CDK7: variants seen among roughly 807,000 people sequenced by gnomAD.
The protein encoded by CDK7 is cyclin dependent kinase 7, also known as cyclin-dependent kinase 7.
In CDK7, 25 loss-of-function variants were observed where a neutral mutation model predicts 49.1. The observed-to-expected ratio is 0.51, with a 90% CI of 0.37 to 0.71. CDK7 has a LOEUF of 0.71. Ranked by LOEUF, CDK7 falls within the 30% of genes least tolerant of loss-of-function variation. The pLI is 0.00. For synonymous variants in CDK7, 107 were observed against 140.0 expected (o/e 0.76, Z 1.67); for missense variants, 316 against 411.7 (o/e 0.77, Z 2.01).
chr5:69,267,967 G>GT (rs1233025323), intron 8 of CDK7, among the ~76,000 whole-genome samples: 1 of 151,902 alleles, frequency 6.6e-6, no homozygotes, highest in East Asian at 1.9e-4. Flanking sequence ...TAGTTTTTTT[G>GT]TTTTTTGTTT....
intron 8 of CDK7, among the ~76,000 whole-genome samples, chr5:69,262,956 T>C (rs184303519): frequency 7.9e-5 from 12 of 152,330 alleles, no homozygotes; most frequent in African/African-American, 2.6e-4. Flanking sequence ...GGGTCTGTTT[T>C]AAGTGCGCTT....
intron 3 of CDK7, among the ~76,000 whole-genome samples, chr5:69,253,299 C>T (rs550133807): frequency 6.6e-6 from 1 of 152,258 alleles, no homozygotes; most frequent in Non-Finnish European, 1.5e-5. Context: ...GAGTCATGCT[C>T]TGTTGCCCAG....
intron 8 of CDK7, 100 bp downstream of exon 8, chr5:69,262,404 C>T (rs1016302682): frequency 5.3e-6 from 8 of 1,514,172 alleles, no homozygotes; most frequent in Middle Eastern, 2.0e-4. Context: ...CATGGTGGCT[C>T]ACGCCTGTAA....
chr5:69,240,280 G>A (rs980719125), intron 2 of CDK7, among the ~76,000 whole-genome samples: 2 of 151,970 alleles, frequency 1.3e-5, no homozygotes, highest in African/African-American at 4.8e-5. Flanking sequence ...AATCATTTTG[G>A]CTACTCTATG....
chr5:69,245,307 T>G (rs1580277533), intron 2 of CDK7, among the ~76,000 whole-genome samples: 1 of 56,366 alleles, frequency 1.8e-5, no homozygotes, highest in Non-Finnish European at 3.3e-5. Context: ...CCCCCTCCCC[T>G]TCCCCCTCCC....
intron 8 of CDK7, among the ~76,000 whole-genome samples, chr5:69,264,600 G>A (rs1481336469): frequency 6.6e-6 from 1 of 152,124 alleles, no homozygotes; most frequent in Non-Finnish European, 1.5e-5. Flanking sequence ...AGAAAACAAG[G>A]AAAATGGAGG....
chr5:69,244,622 G>A (rs1749606675), intron 2 of CDK7, among the ~76,000 whole-genome samples: 1 of 113,720 alleles, frequency 8.8e-6, no homozygotes, highest in Non-Finnish European at 1.7e-5. Context: ...GGCAACAAGA[G>A]CAAAACTCCG....
chr5:69,262,588 G>A (rs1405439854), intron 8 of CDK7, among the ~76,000 whole-genome samples: 1 of 150,112 alleles, frequency 6.7e-6, no homozygotes, highest in African/African-American at 2.4e-5. Context: ...AGAATCGCTT[G>A]AACCTGGGAG....
intron 5 of CDK7, among the ~76,000 whole-genome samples, chr5:69,257,520 T>G (rs1026189351): frequency 4.6e-5 from 7 of 152,164 alleles, no homozygotes; most frequent in Non-Finnish European, 1.0e-4. Context: ...TAGGTATATG[T>G]TTGTAGAGTT....
chr5:69,274,389 C>G (rs1751891746), intron 10 of CDK7, among the ~76,000 whole-genome samples: 1 of 152,144 alleles, frequency 6.6e-6, no homozygotes, highest in African/African-American at 2.4e-5. Context: ...AATCCCAGCA[C>G]TTTGGGAGGT....
At chr5:69,241,320 T>C (rs1358811979) in intron 2 of CDK7, among the ~76,000 whole-genome samples, 2 of 133,154 alleles carry the variant, frequency 1.5e-5, no homozygotes, top group African/African-American at 2.7e-5. Flanking sequence ...TTTTCTTTTT[T>C]TTTTTTTTTT....
chr5:69,272,906 TC>T lies in CDK7; in HGVS notation c.731del (p.Pro244GlnfsTer4). ...EEQWPDMCSLPDYVTFKSFPG... is the reference protein window; with the variant it reads ...EEQWPDMCSLXDYVTFKSFPG... ...TATTTTTACAGGACATGTGTAGTCT[TC>T]CAGATTATGTGACATTTAAGAGTTT... On this transcript the variant is annotated frameshift_variant, in exon 10 of 12. Coordinates refer to ENST00000256443, the MANE Select transcript of CDK7 (RefSeq NM_001799.4). LOFTEE classifies it high-confidence loss of function. 6.3e-7 allele frequency: 1 copy of T among 1,591,208 alleles called. No individual in the cohort carries two copies. The highest frequency in any genetic ancestry group is 8.6e-7 in the Non-Finnish European group (1 of 1,166,922).
chr5:69,253,047 A>C (rs1750252674), intron 3 of CDK7, among the ~76,000 whole-genome samples: 2 of 152,202 alleles, frequency 1.3e-5, no homozygotes, highest in African/African-American at 4.8e-5. Context: ...TTTAGGTGTT[A>C]CAAGCCATTG....
chr5:69,250,907 G>A (rs1364665693), intron 2 of CDK7: 4 of 455,546 alleles, frequency 8.8e-6, no homozygotes, highest in South Asian at 6.2e-5. Context: ...ATCCTAAATG[G>A]TCTACTTTAA....
At chr5:69,235,502 A>G (rs1309932594) in intron 2 of CDK7, 49 bp downstream of exon 2, 3 of 1,229,968 alleles carry the variant, frequency 2.4e-6, no homozygotes, top group Non-Finnish European at 3.6e-6. Flanking sequence ...AGATGTCTGT[A>G]TTATTAATTG....
At chr5:69,268,314 G>T (rs1458792921) in intron 8 of CDK7, among the ~76,000 whole-genome samples, 1 of 152,168 alleles carries the variant, frequency 6.6e-6, no homozygotes, top group African/African-American at 2.4e-5. Flanking sequence ...CACCTAAGGG[G>T]AGGGCAGGGA....
rs573000036 is a variant in CDK7 at position 69,268,814 on chromosome 5, G to A, written c.628-393G>A. Among the ~76,000 whole-genome samples the A allele has an allele frequency of 9.9e-5, 12 of 121,788 alleles. No individual in the cohort carries two copies. In the South Asian group the frequency reaches 1.1e-3, roughly 11 times the overall value. 79.9% of individuals were successfully genotyped at this position (121,788 alleles called of 152,430 possible). A position where few individuals can be genotyped will look rare whatever the true frequency, so the allele number is the denominator to read the frequency against. Reference sequence around the variant, plus strand: ...CTTGAACTCCTGCACTCTAGCCTGGGCAACAGAGCGAGACTGTCTCAAAAA... The same window carrying A: ...CTTGAACTCCTGCACTCTAGCCTGGACAACAGAGCGAGACTGTCTCAAAAA... On this transcript the variant is annotated intron_variant, in intron 8 of 11. Coordinates refer to ENST00000256443, the MANE Select transcript of CDK7 (RefSeq NM_001799.4).
At chr5:69,260,328 C>T (rs1415933767) in intron 7 of CDK7, among the ~76,000 whole-genome samples, 7 of 151,500 alleles carry the variant, frequency 4.6e-5, no homozygotes, top group Middle Eastern at 3.4e-3. Context: ...CCAGCCTGGG[C>T]GACAGAGAAA....
intron 2 of CDK7, among the ~76,000 whole-genome samples, chr5:69,238,663 A>ATT (rs200607900): frequency 0.15 from 21,249 of 142,136 alleles, 1,673 homozygotes; most frequent in African/African-American, 0.21. Flanking sequence ...TTTTTATTTT[A>ATT]TTTTTTTTTT....
Sources: allele counts gnomAD v4.1 joint callset (sites outside exome capture counted in the v4.1 genomes callset), GRCh38; gene constraint gnomAD v4.1.1; transcripts MANE v1.5; gene names NCBI Gene and HGNC (gene_info 2026-07-23, HGNC 2026-07-21).